The following FER variants were observed in gnomAD, a reference collection of about 807,000 sequenced individuals.
The protein encoded by FER is tyrosine-protein kinase Fer.
Under a neutral mutation model 111.0 loss-of-function variants are expected in FER, and 63 were observed. The ratio of observed to expected loss-of-function variants is 0.57; its 90% CI spans 0.46 to 0.70. The LOEUF (loss-of-function observed/expected upper bound fraction) is 0.70, where lower values mean the gene tolerates loss of function less well. Among genes scored for constraint, FER ranks in the 30% least tolerant of loss-of-function variants. FER has a pLI of 0.00. For synonymous variants in FER, 327 were observed against 313.9 expected (o/e 1.04, Z -0.44); for missense variants, 914 against 954.0 (o/e 0.96, Z 0.55).
In FER at chr5:109,025,570, G is replaced by A. The variant is rs1019621778; in HGVS notation, c.1657-11852G>A. The stretch of plus-strand genomic sequence containing the variant: ...ATACAATCATGTCGTCTGCAAACAG[G>A]GACAATTTGACTTCCTCTTTTCCTA... On this transcript the variant is annotated intron_variant, in intron 13 of 19. Coordinates refer to ENST00000281092, the MANE Select transcript of FER (RefSeq NM_005246.4). Among the ~76,000 whole-genome samples, 18 of 151,488 alleles carry A rather than the reference G, an allele frequency of 1.2e-4. 1 individual carries two copies. The highest frequency in any genetic ancestry group is 6.8e-3 in the Middle Eastern group (2 of 294).
intron 3 of FER, among the ~76,000 whole-genome samples, chr5:108,829,449 A>G (rs1413877743): frequency 6.6e-6 from 1 of 152,154 alleles, no homozygotes; most frequent in Admixed American, 6.5e-5. Context: ...ACCACCCTGA[A>G]CAACATAGTG....
At chr5:109,025,400 C>T (rs1768560654) in intron 13 of FER, among the ~76,000 whole-genome samples, 1 of 152,052 alleles carries the variant, frequency 6.6e-6, no homozygotes, top group South Asian at 2.1e-4. Flanking sequence ...TGGGAGTTCA[C>T]TCATGATTTG....
chr5:108,994,526 T>C (rs1243881434), intron 13 of FER, among the ~76,000 whole-genome samples: 1 of 152,176 alleles, frequency 6.6e-6, no homozygotes, highest in Non-Finnish European at 1.5e-5. Flanking sequence ...TGTAGTATAG[T>C]TTGAAGTTGG....
chr5:109,130,863 A>G (rs4957799), intron 17 of FER, among the ~76,000 whole-genome samples: 24,623 of 152,108 alleles, frequency 0.16, 2,171 homozygotes, highest in Non-Finnish European at 0.2. Context: ...TGCCTAATAC[A>G]GTGCCTGGAA....
chr5:108,930,188 G>A (rs1422480141), intron 10 of FER, among the ~76,000 whole-genome samples: 1 of 151,288 alleles, frequency 6.6e-6, no homozygotes, highest in African/African-American at 2.4e-5. Context: ...TTAAAAAAAT[G>A]TTTTGTAGAG....
chr5:108,905,928 A>G (rs1490110059), intron 10 of FER, among the ~76,000 whole-genome samples: 1 of 152,186 alleles, frequency 6.6e-6, no homozygotes, highest in Non-Finnish European at 1.5e-5. Flanking sequence ...ACAGGGTGAA[A>G]AAATCTGGAG....
chr5:108,771,345 A>C (rs775348114), intron 2 of FER, among the ~76,000 whole-genome samples: 84 of 152,120 alleles, frequency 5.5e-4, no homozygotes, highest in African/African-American at 2.0e-3. Flanking sequence ...AAACAGTTCT[A>C]TTTTTTCCAC....
At chr5:108,994,172 G>A (rs1349152611) in intron 13 of FER, among the ~76,000 whole-genome samples, 3 of 152,232 alleles carry the variant, frequency 2.0e-5, no homozygotes, top group African/African-American at 7.2e-5. Context: ...AATTGCTTTT[G>A]ATATATTAAT....
intron 5 of FER, among the ~76,000 whole-genome samples, chr5:108,850,655 G>A (rs538399402): frequency 5.3e-5 from 8 of 151,294 alleles, no homozygotes; most frequent in Non-Finnish European, 1.0e-4. Context: ...TTTTTTTCTT[G>A]TCAAGGGATT....
chr5:109,041,976 T>A (rs1771244028), intron 14 of FER, among the ~76,000 whole-genome samples: 1 of 152,188 alleles, frequency 6.6e-6, no homozygotes, highest in Non-Finnish European at 1.5e-5. Flanking sequence ...CATTTGGGTC[T>A]TCTCAAGTGA....
intron 9 of FER, among the ~76,000 whole-genome samples, chr5:108,897,260 A>C (rs1749284451): frequency 6.6e-6 from 1 of 152,130 alleles, no homozygotes; most frequent in Non-Finnish European, 1.5e-5. Context: ...ATTTTACCCT[A>C]GGCACAGATC....
At chr5:108,795,424 A>G (rs892130717) in intron 2 of FER, among the ~76,000 whole-genome samples, 3 of 57,942 alleles carry the variant, frequency 5.2e-5, no homozygotes, top group South Asian at 4.5e-4. Flanking sequence ...CCCTCTGACT[A>G]TTTTTTGTGC....
At chr5:108,892,128 G>A (rs1364957786) in intron 9 of FER, among the ~76,000 whole-genome samples, 29 of 152,172 alleles carry the variant, frequency 1.9e-4, no homozygotes, top group African/African-American at 4.6e-4. Context: ...ATAAACATAC[G>A]TGTGCATGTG....
At chr5:108,831,745 G>A (rs1277000502) in intron 3 of FER, among the ~76,000 whole-genome samples, 2 of 152,136 alleles carry the variant, frequency 1.3e-5, no homozygotes, top group Middle Eastern at 3.2e-3. Context: ...TGCTTTAGAT[G>A]CTTATGAAAT....
intron 2 of FER, among the ~76,000 whole-genome samples, chr5:108,784,833 T>C (rs1754497684): frequency 6.6e-6 from 1 of 152,166 alleles, no homozygotes; most frequent in African/African-American, 2.4e-5. Context: ...TAGGAATGCC[T>C]TAAGTGGTTT....
In FER at chr5:108,871,503, G is replaced by A; in HGVS notation, c.803+1G>A. The A allele has an allele frequency of 6.3e-7, 1 of 1,594,520 alleles. No homozygotes were observed. On this transcript the variant is annotated splice_donor_variant, in intron 7 of 19. Coordinates refer to ENST00000281092, the MANE Select transcript of FER (RefSeq NM_005246.4). LOFTEE classifies it high-confidence loss of function. ...ACAATAATTTCATAGATGTTCACAG[G>A]TATGACATGTTTATTCCTCTTTAAG...
intron 17 of FER, among the ~76,000 whole-genome samples, chr5:109,167,125 T>G (rs1756636353): frequency 6.6e-6 from 1 of 152,196 alleles, no homozygotes; most frequent in Admixed American, 6.5e-5. Context: ...GGGAAGGAAT[T>G]AGTTTATCTA....
intron 14 of FER, among the ~76,000 whole-genome samples, chr5:109,043,780 G>A (rs560082178): frequency 6.6e-6 from 1 of 152,210 alleles, no homozygotes; most frequent in South Asian, 2.1e-4. Flanking sequence ...AGACCATCCT[G>A]GCCAACATGC....
At chr5:108,898,550 TCCTCCCTTCCCTTCCCTTC>T (rs1561582992) in intron 10 of FER, among the ~76,000 whole-genome samples, 3 of 106,642 alleles carry the variant, frequency 2.8e-5, no homozygotes, top group African/African-American at 1.1e-4. Flanking sequence ...CCCCTCCCCT[TCCTCCCTTCCCTTCCCTTC>T]CCTCCCTTCC....
Sources: allele counts gnomAD v4.1 joint callset (sites outside exome capture counted in the v4.1 genomes callset), GRCh38; gene constraint gnomAD v4.1.1; transcripts MANE v1.5; gene names NCBI Gene and HGNC (gene_info 2026-07-23, HGNC 2026-07-21).